Variants in ABI2 observed in about 807,000 individuals in gnomAD.
ABI2 encodes abl interactor 2.
ABI2 carries 25 observed loss-of-function variants against 59.2 expected under a neutral mutation model. The ratio of observed to expected loss-of-function variants is 0.42; its 90% CI spans 0.31 to 0.59. ABI2 has a LOEUF of 0.59. Ranked by LOEUF, ABI2 falls within the 20% of genes least tolerant of loss-of-function variation. The pLI is 0.14. For missense variants in ABI2, 545 were observed against 681.8 expected, an observed-to-expected ratio of 0.80 and a Z score of 2.23; for synonymous variants, 213 against 235.5, an observed-to-expected ratio of 0.90 and a Z score of 0.87.
chr2:203,346,249 T>C (rs899410303), intron 1 of ABI2, among the ~76,000 whole-genome samples: 2 of 152,248 alleles, frequency 1.3e-5, no homozygotes, highest in Non-Finnish European at 2.9e-5. Flanking sequence ...GAGTTTATTG[T>C]TGCAGATGTG....
At chr2:203,357,427 A>G (rs949768701) in intron 1 of ABI2, among the ~76,000 whole-genome samples, 1 of 152,230 alleles carries the variant, frequency 6.6e-6, no homozygotes, top group Non-Finnish European at 1.5e-5. Flanking sequence ...CAAAATAGTC[A>G]ACCACAAATG....
At chr2:203,390,102 G>T (rs1458610729) in intron 4 of ABI2, among the ~76,000 whole-genome samples, 1 of 152,130 alleles carries the variant, frequency 6.6e-6, no homozygotes, top group Non-Finnish European at 1.5e-5. Flanking sequence ...TAACTTTCTG[G>T]TTCAGATGTT....
intron 1 of ABI2, among the ~76,000 whole-genome samples, chr2:203,341,910 A>C (rs1479472959): frequency 6.6e-6 from 1 of 152,166 alleles, no homozygotes; most frequent in Non-Finnish European, 1.5e-5. Flanking sequence ...TGCAGGACTT[A>C]CTCAATAGTG....
chr2:203,421,941 G>A (rs959700277), intron 11 of ABI2, among the ~76,000 whole-genome samples: 18 of 143,258 alleles, frequency 1.3e-4, no homozygotes, highest in Non-Finnish European at 2.5e-4. Context: ...ACTCCAGCCT[G>A]GCAACAGAGT....
intron 4 of ABI2, among the ~76,000 whole-genome samples, chr2:203,382,947 G>A (rs964646098): frequency 1.3e-5 from 2 of 152,018 alleles, no homozygotes; most frequent in African/African-American, 4.8e-5. Flanking sequence ...GTTAGAATTC[G>A]TTTCAATAAT....
intron 2 of ABI2, among the ~76,000 whole-genome samples, chr2:203,372,130 C>CT (rs1167782530): frequency 6.6e-6 from 1 of 151,776 alleles, no homozygotes; most frequent in Non-Finnish European, 1.5e-5. Context: ...GGTGATGACT[C>CT]TTAACGAGCA....
intron 9 of ABI2, chr2:203,403,251 G>C (rs2097293923): frequency 6.5e-6 from 1 of 152,730 alleles, no homozygotes; most frequent in Admixed American, 6.5e-5. Flanking sequence ...ATAATCGGTT[G>C]TATCATGCAT....
chr2:203,412,807 C>A (rs145923886), intron 10 of ABI2, among the ~76,000 whole-genome samples: 113 of 152,278 alleles, frequency 7.4e-4, no homozygotes, highest in Middle Eastern at 3.4e-3. Flanking sequence ...TACAGGGTCA[C>A]TGTTGCCAGG....
chr2:203,347,153 A>G (rs1361787944), intron 1 of ABI2, among the ~76,000 whole-genome samples: 5 of 152,148 alleles, frequency 3.3e-5, no homozygotes, highest in African/African-American at 1.2e-4. Flanking sequence ...TGCATGTCCT[A>G]ACAGGGTAAG....
Position 203,419,613 on chromosome 2 carries a change from G to A in ABI2, c.1453+2532G>A, listed in dbSNP as rs1474747236. Among the ~76,000 whole-genome samples the A allele has an allele frequency of 2.7e-5, 4 of 148,280 alleles. No homozygotes were observed. In the East Asian group the frequency reaches 8.0e-4, roughly 30 times the overall value. On this transcript the variant is annotated intron_variant, in intron 11 of 11. Transcript: ENST00000261018. ...AGGATGGTCTCGATCTCCTGACCTC[G>A]TGATCTGCCCACCTCTGCCTCCCAA...
intron 1 of ABI2, among the ~76,000 whole-genome samples, chr2:203,334,271 G>A (rs1334900772): frequency 2.0e-5 from 3 of 151,822 alleles, no homozygotes; most frequent in Non-Finnish European, 4.4e-5. Context: ...CCTTGGTATG[G>A]GTAATGTGAG....
Position 203,395,637 on chromosome 2 carries a change from G to C in ABI2, c.726-19G>C. On this transcript the variant is annotated intron_variant, in intron 6 of 11. Coordinates refer to ENST00000261018, the MANE Select transcript of ABI2 (RefSeq NM_001375670.1). ...ACTGTTTATAAATACTCATGTTTTG[G>C]TGGCTCTTATTTCTTTAGCAGCAGT... 6.3e-7 allele frequency: 1 copy of C among 1,599,794 alleles called. No homozygotes were observed. Among genetic ancestry groups the C allele is most frequent in the African/African-American group, 1.3e-5 (1 of 74,106 alleles).
chr2:203,333,868 C>G (rs2075149231), intron 1 of ABI2, among the ~76,000 whole-genome samples: 1 of 152,046 alleles, frequency 6.6e-6, no homozygotes, highest in South Asian at 2.1e-4. Flanking sequence ...GAAGAGCTTC[C>G]TGGTTCAAAA....
intron 1 of ABI2, among the ~76,000 whole-genome samples, chr2:203,339,338 G>A (rs1361744141): frequency 6.6e-6 from 1 of 151,806 alleles, no homozygotes; most frequent in African/African-American, 2.4e-5. Flanking sequence ...CCAGCACTTT[G>A]GGAGGCCGAG....
At chr2:203,334,086 A>G (rs781111062) in intron 1 of ABI2, among the ~76,000 whole-genome samples, 2 of 151,788 alleles carry the variant, frequency 1.3e-5, no homozygotes, top group Non-Finnish European at 2.9e-5. Flanking sequence ...GACTACAGGC[A>G]TGTGTCAGCA....
At chr2:203,414,009 T>C (rs1166954970) in intron 10 of ABI2, among the ~76,000 whole-genome samples, 1 of 152,130 alleles carries the variant, frequency 6.6e-6, no homozygotes, top group Non-Finnish European at 1.5e-5. Context: ...AGGCCCTTCC[T>C]GCCTCATCCT....
intron 1 of ABI2, among the ~76,000 whole-genome samples, chr2:203,329,436 A>C (rs913420919): frequency 4.9e-5 from 7 of 142,120 alleles, no homozygotes; most frequent in African/African-American, 1.6e-4. Context: ...GGGATACCGG[A>C]TGGTATGAGA....
At chr2:203,392,275 T>TCACCACCACCACCAC (rs75654136) in intron 5 of ABI2, among the ~76,000 whole-genome samples, 12 of 127,248 alleles carry the variant, frequency 9.4e-5, no homozygotes, top group East Asian at 4.8e-4. Context: ...ACCACCACCA[T>TCACCACCACCACCAC]CACCACCACC....
intron 1 of ABI2, among the ~76,000 whole-genome samples, chr2:203,336,492 C>T (rs904574383): frequency 3.9e-5 from 6 of 152,214 alleles, no homozygotes; most frequent in Admixed American, 1.3e-4. Flanking sequence ...ATCTCTTCAT[C>T]TGCCGAGGAG....
Sources: gnomAD v4.1 joint callset for allele counts (sites outside exome capture counted in the v4.1 genomes callset) on GRCh38, gnomAD v4.1.1 for gene constraint, MANE v1.5 for transcripts, NCBI Gene and HGNC (gene_info 2026-07-23, HGNC 2026-07-21) for gene names.